The following RIMBP2 variants were observed in gnomAD, a reference collection of about 807,000 sequenced individuals.
RIMBP2 encodes RIMS binding protein 2.
RIMBP2 carries 48 observed loss-of-function variants against 118.6 expected under a neutral mutation model. The ratio of observed to expected loss-of-function variants is 0.40; its 90% confidence interval spans 0.32 to 0.51. The LOEUF (loss-of-function observed/expected upper bound fraction) is 0.51, where lower values mean the gene tolerates loss of function less well. RIMBP2 is among the 20% of genes least tolerant of loss of function. RIMBP2 has a pLI of 0.41. For synonymous variants in RIMBP2, 762 were observed against 742.9 expected, an observed-to-expected ratio of 1.03 and a Z score of -0.42; for missense variants, 1,551 against 1,768.3, an observed-to-expected ratio of 0.88 and a Z score of 2.20.
At chr12:130,665,277 C>T (rs1388091568) in intron 1 of RIMBP2, among the ~76,000 whole-genome samples, 1 of 151,660 alleles carries the variant, frequency 6.6e-6, no homozygotes, top group Non-Finnish European at 1.5e-5. Flanking sequence ...GTAATCCCAG[C>T]ACTTTGGGAG....
chr12:130,622,243 C>T lies in RIMBP2; in HGVS notation c.-217+6079G>A, dbSNP rs992215892. On this transcript the variant is annotated intron_variant, in intron 2 of 22. Transcript: ENST00000690449. This position sits in a 1 kb window ranked among gnomAD's most constrained non-coding sequence, Gnocchi z 8.5. ...TGGCTGACTGGAGCAGACGTGAAGC[C>T]CCCACAAGGCTGCATAGGAGGTTCC... Among the ~76,000 whole-genome samples, 1 of 152,122 alleles carries T rather than the reference C, an allele frequency of 6.6e-6. No individual in the cohort carries two copies. The highest frequency in any genetic ancestry group is 2.4e-5 in the African/African-American group (1 of 41,408).
At chr12:130,572,639 T>C (rs1444257191) in intron 2 of RIMBP2, among the ~76,000 whole-genome samples, 1 of 151,852 alleles carries the variant, frequency 6.6e-6, no homozygotes, top group Admixed American at 6.6e-5. Flanking sequence ...AAAGCACTGC[T>C]ACAAAACAGA....
intron 2 of RIMBP2, among the ~76,000 whole-genome samples, chr12:130,571,297 C>A (rs1327528717): frequency 6.6e-6 from 1 of 152,104 alleles, no homozygotes; most frequent in Non-Finnish European, 1.5e-5. Flanking sequence ...AGGGGAACCA[C>A]CCTGGCAGGT....
intron 2 of RIMBP2, among the ~76,000 whole-genome samples, chr12:130,586,376 C>A (rs572655784): frequency 1.3e-5 from 2 of 152,146 alleles, no homozygotes; most frequent in Non-Finnish European, 1.5e-5. Flanking sequence ...CACTTGAACC[C>A]AGGAGGCAGA....
At chr12:130,685,496 T>A (rs529466415) in intron 1 of RIMBP2, among the ~76,000 whole-genome samples, 1 of 152,280 alleles carries the variant, frequency 6.6e-6, no homozygotes, top group South Asian at 2.1e-4. Context: ...TATGATGTCA[T>A]CCGCCTGACC....
chr12:130,451,653 A>C (rs866067059), intron 7 of RIMBP2, among the ~76,000 whole-genome samples: 1 of 151,940 alleles, frequency 6.6e-6, no homozygotes, highest in Non-Finnish European at 1.5e-5. Flanking sequence ...TCCTTGGCTT[A>C]AAATTGAGCA....
intron 2 of RIMBP2, among the ~76,000 whole-genome samples, chr12:130,569,606 T>C (rs2057480416): frequency 1.3e-5 from 2 of 152,240 alleles, no homozygotes; most frequent in South Asian, 2.1e-4. Context: ...TCATGGTTTA[T>C]ACCATAGCCT....
chr12:130,614,171 G>A (rs1451044034), intron 2 of RIMBP2, among the ~76,000 whole-genome samples: 2 of 152,216 alleles, frequency 1.3e-5, no homozygotes, highest in Non-Finnish European at 2.9e-5. Flanking sequence ...TATGTGACTG[G>A]AAGCAGAAGA....
chr12:130,524,117 A>G (rs944429382), intron 2 of RIMBP2, among the ~76,000 whole-genome samples: 17 of 152,084 alleles, frequency 1.1e-4, no homozygotes, highest in Admixed American at 1.0e-3. Context: ...AGCCCTGGAG[A>G]TGGACACTGC....
At chr12:130,656,533 GC>G (rs1184142012) in intron 1 of RIMBP2, among the ~76,000 whole-genome samples, 2 of 151,684 alleles carry the variant, frequency 1.3e-5, no homozygotes, top group African/African-American at 4.9e-5. Context: ...AGATCAAGCA[GC>G]CCCAGCAGGC....
rs772167011 is a variant in RIMBP2 at position 130,476,272 on chromosome 12, C to T, written c.102+2640G>A. Among the ~76,000 whole-genome samples, 217 of 152,294 alleles carry T rather than the reference C, an allele frequency of 1.4e-3. 4 individuals are homozygous for T. Among genetic ancestry groups the T allele is most frequent in the Non-Finnish European group, 1.1e-3 (77 of 68,024 alleles). ...ACTTGTTGGGGGTGGGGTCCCGTGACGGCAAGTTCAAGAAAGAGCTGGGGT... is the reference window on the plus strand; with the variant it reads ...ACTTGTTGGGGGTGGGGTCCCGTGATGGCAAGTTCAAGAAAGAGCTGGGGT... On this transcript the variant is annotated intron_variant, in intron 5 of 22. Transcript: ENST00000690449.
At chr12:130,691,398 G>A (rs2065299743) in intron 1 of RIMBP2, among the ~76,000 whole-genome samples, 1 of 152,180 alleles carries the variant, frequency 6.6e-6, no homozygotes. Flanking sequence ...GGCTGCGTGT[G>A]GTGGCTCACA....
chr12:130,488,013 G>A (rs2082627016), intron 4 of RIMBP2, among the ~76,000 whole-genome samples: 1 of 152,160 alleles, frequency 6.6e-6, no homozygotes, highest in Non-Finnish European at 1.5e-5. Context: ...ATTTCCGTGT[G>A]TGCACTCCAC....
intron 7 of RIMBP2, among the ~76,000 whole-genome samples, chr12:130,452,695 G>A (rs1163443731): frequency 1.3e-5 from 2 of 152,196 alleles, no homozygotes; most frequent in Non-Finnish European, 2.9e-5. Context: ...CCCACACAGT[G>A]GCCAGGGAAC....
intron 1 of RIMBP2, among the ~76,000 whole-genome samples, chr12:130,700,036 G>T (rs1324048247): frequency 6.6e-6 from 1 of 151,794 alleles, no homozygotes; most frequent in Non-Finnish European, 1.5e-5. Flanking sequence ...GCGTGTGTGG[G>T]TGGCTCTCAG....
intron 4 of RIMBP2, among the ~76,000 whole-genome samples, chr12:130,487,141 G>A (rs994657055): frequency 2.6e-5 from 4 of 152,206 alleles, no homozygotes; most frequent in African/African-American, 9.6e-5. Context: ...ATCACGTCAA[G>A]GTCATCCCCA....
At chr12:130,580,825 A>C (rs1188978811) in intron 2 of RIMBP2, among the ~76,000 whole-genome samples, 2 of 152,086 alleles carry the variant, frequency 1.3e-5, no homozygotes, top group African/African-American at 4.8e-5. Flanking sequence ...CTGTAATCCC[A>C]GCTACTTGGG....
intron 1 of RIMBP2, among the ~76,000 whole-genome samples, chr12:130,691,699 G>A (rs1594209870): frequency 6.6e-6 from 1 of 152,176 alleles, no homozygotes; most frequent in Non-Finnish European, 1.5e-5. Flanking sequence ...GTACCACAGG[G>A]AGCCCCACCC....
rs71088771 is a variant in RIMBP2 at position 130,618,024 on chromosome 12, T to TTTACCAAAAA, written c.-217+10297_-217+10298insTTTTTGGTAA. 4.4e-4 allele frequency among the ~76,000 whole-genome samples: 29 copies of TTTACCAAAAA among 65,822 alleles called. 9 individuals are homozygous for TTTACCAAAAA. Among genetic ancestry groups the TTTACCAAAAA allele is most frequent in the Middle Eastern group, 0.011 (1 of 94 alleles). 43.2% of individuals were successfully genotyped at this position (65,822 alleles called of 152,430 possible). ...CTGGGCAACATAGAAAGACCTCTTC[T>TTTACCAAAAA]AAAAAAAAAAAGTAAAAAAGGGGAA... On this transcript the variant is annotated intron_variant, in intron 2 of 22. Coordinates refer to ENST00000690449, the MANE Select transcript of RIMBP2 (RefSeq NM_001393629.1).
Sources: allele counts gnomAD v4.1 joint callset (sites outside exome capture counted in the v4.1 genomes callset), GRCh38; gene constraint gnomAD v4.1.1; non-coding constraint Gnocchi (gnomAD v3.1); transcripts MANE v1.5; gene names NCBI Gene and HGNC (gene_info 2026-07-23, HGNC 2026-07-21).